The following HOMER1 variants were observed in gnomAD, a reference collection of about 807,000 sequenced individuals.
HOMER1 encodes the protein homer protein homolog 1.
A neutral mutation model predicts 48.9 loss-of-function variants in HOMER1; 3 were observed. The ratio of observed to expected loss-of-function variants is 0.06; its 90% CI spans 0.03 to 0.16. HOMER1 has a LOEUF of 0.16. Ranked by LOEUF, HOMER1 falls within the 10% of genes least tolerant of loss-of-function variation. The pLI is 1.00. For synonymous variants in HOMER1, 134 were observed against 146.4 expected (o/e 0.92, Z 0.61); for missense variants, 247 against 411.4 (o/e 0.60, Z 3.46).
At chr5:79,453,590 AAT>A (rs1197680908) in intron 2 of HOMER1, among the ~76,000 whole-genome samples, 1 of 152,198 alleles carries the variant, frequency 6.6e-6, no homozygotes, top group Non-Finnish European at 1.5e-5. Flanking sequence ...TCTGAAAATA[AAT>A]ATGTCTCTCA....
At chr5:79,472,449 A>G (rs1751648144) in intron 1 of HOMER1, among the ~76,000 whole-genome samples, 1 of 152,168 alleles carries the variant, frequency 6.6e-6, no homozygotes, top group African/African-American at 2.4e-5. Context: ...CATGATTTAC[A>G]TTTTTTAACA....
rs1461997244 is a variant in HOMER1 at position 79,513,027 on chromosome 5, AG to A, written c.-254del. 1.8e-6 allele frequency: 1 copy of A among 566,416 alleles called. No individual in the cohort carries two copies. The highest frequency in any genetic ancestry group is 1.9e-5 in the African/African-American group (1 of 52,500). The allele number at this position is 566,416 out of a possible 1,614,324, so 35.1% of individuals were successfully genotyped here. On this transcript the variant is annotated 5_prime_UTR_variant, in exon 1 of 9. Coordinates refer to ENST00000334082, the MANE Select transcript of HOMER1 (RefSeq NM_004272.5). ...AGTTAAAATGCTTTGCGGAGGAGAC[AG>A]CGATCAACTCTATTCCACAAAATGA...
chr5:79,400,757 T>G (rs574447783), intron 6 of HOMER1, among the ~76,000 whole-genome samples: 446 of 147,708 alleles, frequency 3.0e-3, no homozygotes, highest in Admixed American at 4.6e-3. Context: ...TTTTTTTTGT[T>G]TTTTAGAGAC....
intron 4 of HOMER1, 63 bp from the exon 5 acceptor site, chr5:79,439,212 C>T: frequency 6.5e-7 from 1 of 1,547,894 alleles, no homozygotes; most frequent in Non-Finnish European, 8.8e-7. Flanking sequence ...ACAATATCAT[C>T]TTGAGGTTAA....
rs1055215299 is a variant in HOMER1 at position 79,374,919 on chromosome 5, T to C, written c.*1090A>G. ...GATGTGATTGATGTGTAGAGCCAGATAGAGTACATGACTCCATCTCTATCT... is the reference window on the plus strand; with the variant it reads ...GATGTGATTGATGTGTAGAGCCAGACAGAGTACATGACTCCATCTCTATCT... On this transcript the variant is annotated 3_prime_UTR_variant, in exon 9 of 9. Transcript: ENST00000334082. The C allele has an allele frequency of 6.6e-6, 1 of 152,056 alleles. No individual in the cohort carries two copies. Among genetic ancestry groups the C allele is most frequent in the Non-Finnish European group, 1.5e-5 (1 of 67,918 alleles). 9.4% of individuals were successfully genotyped at this position (152,056 alleles called of 1,614,324 possible).
intron 8 of HOMER1, among the ~76,000 whole-genome samples, chr5:79,391,340 G>A (rs576769727): frequency 1.3e-5 from 2 of 151,900 alleles, no homozygotes; most frequent in Admixed American, 1.3e-4. Flanking sequence ...ATGTTGTCCA[G>A]TCTGGTCTCA....
rs147810956 is a variant in HOMER1 at position 79,500,218 on chromosome 5, T to C, written c.5+12552A>G. 8.8e-3 allele frequency among the ~76,000 whole-genome samples: 1,347 copies of C among 152,280 alleles called. 19 individuals are homozygous for C. The highest frequency in any genetic ancestry group is 0.03 in the African/African-American group (1,264 of 41,552). On this transcript the variant is annotated intron_variant, in intron 1 of 8. Coordinates refer to ENST00000334082, the MANE Select transcript of HOMER1 (RefSeq NM_004272.5). Reference sequence around the variant, plus strand: ...TCTCATATTGAAAATGTGGCTTCTATGTGGGTGAAGGATTACTATTAAAAA... The same window carrying C: ...TCTCATATTGAAAATGTGGCTTCTACGTGGGTGAAGGATTACTATTAAAAA...
In HOMER1 at chr5:79,489,959, A is replaced by G. The variant is rs145142858; in HGVS notation, c.5+22811T>C. On this transcript the variant is annotated intron_variant, in intron 1 of 8. Transcript: ENST00000334082. ...GTTCCCTGGCACAACTTGACTTGTA[A>G]CCTCTAGCAGAAACTGGCTAGGTAA... Among the ~76,000 whole-genome samples the G allele has an allele frequency of 5.1e-3, 773 of 152,308 alleles. 6 individuals are homozygous for G. Among genetic ancestry groups the G allele is most frequent in the African/African-American group, 0.018 (742 of 41,576 alleles).
chr5:79,405,010 T>G (rs1162773956), intron 5 of HOMER1, among the ~76,000 whole-genome samples: 3 of 152,076 alleles, frequency 2.0e-5, no homozygotes, highest in Admixed American at 1.3e-4. Context: ...TGCCCGGTCC[T>G]GATTGCCTCT....
intron 1 of HOMER1, among the ~76,000 whole-genome samples, chr5:79,499,593 T>C (rs1227225293): frequency 3.3e-5 from 5 of 152,220 alleles, no homozygotes; most frequent in Admixed American, 1.3e-4. Context: ...ATAAAATATA[T>C]GTAGATTCTA....
At chr5:79,442,529 A>G (rs1750762682) in intron 4 of HOMER1, among the ~76,000 whole-genome samples, 3 of 152,232 alleles carry the variant, frequency 2.0e-5, no homozygotes, top group African/African-American at 7.2e-5. Context: ...GGAGGTACGC[A>G]GCAGCACTGC....
chr5:79,503,022 C>CAG (rs1561390326), intron 1 of HOMER1, among the ~76,000 whole-genome samples: 1 of 151,876 alleles, frequency 6.6e-6, no homozygotes. Flanking sequence ...GATCTGACCT[C>CAG]GTGATCTGCC....
chr5:79,511,133 A>G (rs1249940112), intron 1 of HOMER1, among the ~76,000 whole-genome samples: 4 of 152,186 alleles, frequency 2.6e-5, no homozygotes, highest in African/African-American at 9.6e-5. Context: ...TCTAGACAAA[A>G]TGCAGCCATC....
intron 1 of HOMER1, among the ~76,000 whole-genome samples, chr5:79,475,264 G>A (rs1751730816): frequency 6.6e-6 from 1 of 152,010 alleles, no homozygotes. Flanking sequence ...TATAGAGCCG[G>A]CACACTGTCT....
intron 5 of HOMER1, among the ~76,000 whole-genome samples, chr5:79,431,057 G>A (rs1013385684): frequency 2.6e-4 from 40 of 152,150 alleles, no homozygotes; most frequent in Admixed American, 1.9e-3. Context: ...CTGGCCTGGC[G>A]CAGTGGCTCA....
intron 1 of HOMER1, among the ~76,000 whole-genome samples, chr5:79,512,121 T>C (rs553259352): frequency 1.3e-5 from 2 of 151,896 alleles, no homozygotes; most frequent in South Asian, 2.1e-4. Flanking sequence ...ACTGAAGGGC[T>C]GAGCTTAAAA....
At chr5:79,439,262 A>C in intron 4 of HOMER1, 113 bp from the exon 5 acceptor site, 1 of 908,094 alleles carries the variant, frequency 1.1e-6, no homozygotes, top group Non-Finnish European at 1.6e-6. Context: ...ACCAAATTTC[A>C]ACTGAAATTT....
intron 5 of HOMER1, among the ~76,000 whole-genome samples, chr5:79,430,794 GA>G (rs1750400264): frequency 6.6e-6 from 1 of 151,930 alleles, no homozygotes; most frequent in Non-Finnish European, 1.5e-5. Context: ...AAAATTAGCT[GA>G]GCATGGTGGC....
intron 1 of HOMER1, among the ~76,000 whole-genome samples, chr5:79,497,863 C>A (rs2112368236): frequency 6.6e-6 from 1 of 152,142 alleles, no homozygotes; most frequent in South Asian, 2.1e-4. Flanking sequence ...CAAATAAGCT[C>A]CCTGGACCAG....
Sources: gnomAD v4.1 joint callset for allele counts (sites outside exome capture counted in the v4.1 genomes callset) on GRCh38, gnomAD v4.1.1 for gene constraint, MANE v1.5 for transcripts, NCBI Gene and HGNC (gene_info 2026-07-23, HGNC 2026-07-21) for gene names.